Variants in PPM1A observed in about 807,000 individuals in gnomAD.
PPM1A encodes protein phosphatase, Mg2+/Mn2+ dependent 1A.
In PPM1A, 7 loss-of-function variants were observed where a neutral mutation model predicts 35.0. The observed-to-expected ratio is 0.20, with a 90% CI of 0.11 to 0.38. The LOEUF (loss-of-function observed/expected upper bound fraction) is 0.38, where lower values mean the gene tolerates loss of function less well. Among genes scored for constraint, PPM1A ranks in the 10% least tolerant of loss-of-function variants. The pLI, the probability that PPM1A is intolerant of heterozygous loss-of-function variation, is 1.00. For missense variants in PPM1A, 239 were observed against 467.8 expected (o/e 0.51, Z 4.51); for synonymous variants, 153 against 167.3 (o/e 0.91, Z 0.66).
chr14:60,287,494 G>T, intron 3 of PPM1A: 1 of 985,248 alleles, frequency 1.0e-6, no homozygotes, highest in Non-Finnish European at 1.2e-6. Context: ...TGTAAAAGTT[G>T]TGTGTCCTCA....
In PPM1A at chr14:60,282,075, G is replaced by A. The variant is rs192719821; in HGVS notation, c.-20-609G>A. 6.6e-5 allele frequency among the ~76,000 whole-genome samples: 10 copies of A among 152,286 alleles called. No homozygotes were observed. The highest frequency in any genetic ancestry group is 6.5e-4 in the Admixed American group (10 of 15,302). On this transcript the variant is annotated intron_variant, in intron 1 of 5. Coordinates refer to ENST00000395076, the MANE Select transcript of PPM1A (RefSeq NM_021003.5). The surrounding 1 kb of genome is among the most constrained non-coding windows in gnomAD (Gnocchi z 5.1). ...GTAGAATGTAAGGTAGACTTAAAAG[G>A]ATAGGTATACTTTTTTCTATAAATA...
At chr14:60,269,898 C>T (rs989288911) in intron 1 of PPM1A, among the ~76,000 whole-genome samples, 24 of 152,150 alleles carry the variant, frequency 1.6e-4, no homozygotes, top group African/African-American at 5.8e-4. Context: ...TTGTAATCTT[C>T]AAATTATGCT....
intron 5 of PPM1A, 88 bp downstream of exon 5, chr14:60,291,542 T>A: frequency 9.1e-7 from 1 of 1,102,340 alleles, no homozygotes; most frequent in South Asian, 1.7e-5. Flanking sequence ...AGCTGTTCAC[T>A]GTACCCATTC....
At chr14:60,272,690 C>CAAAAAAA (rs34892158) in intron 1 of PPM1A, among the ~76,000 whole-genome samples, 2 of 68,586 alleles carry the variant, frequency 2.9e-5, no homozygotes, top group Non-Finnish European at 5.6e-5. Flanking sequence ...GACTCTGTCT[C>CAAAAAAA]AAAAAAAAAA....
In PPM1A at chr14:60,249,789, T is replaced by G; in HGVS notation, c.-21+112T>G. On this transcript the variant is annotated intron_variant, in intron 1 of 5. Coordinates refer to ENST00000395076, the MANE Select transcript of PPM1A (RefSeq NM_021003.5). The surrounding 1 kb of genome is among the most constrained non-coding windows in gnomAD (Gnocchi z 4.5). Reference sequence around the variant, plus strand: ...ACAAGCCGGGCGTCTGCCCGGGCGCTCCCGGGAGGAGACGCGACAACTCCA... The same window carrying G: ...ACAAGCCGGGCGTCTGCCCGGGCGCGCCCGGGAGGAGACGCGACAACTCCA... 2 of 647,286 alleles carry G rather than the reference T, an allele frequency of 3.1e-6. No individual in the cohort carries two copies. The highest frequency in any genetic ancestry group is 3.8e-6 in the Non-Finnish European group (2 of 521,762). The allele number at this position is 647,286 out of a possible 1,614,324, so 40.1% of individuals were successfully genotyped here.
intron 1 of PPM1A, among the ~76,000 whole-genome samples, chr14:60,274,572 C>T (rs1424888367): frequency 6.6e-6 from 1 of 150,718 alleles, no homozygotes; most frequent in Non-Finnish European, 1.5e-5. Context: ...AACATGGGCA[C>T]CAAAGCTAGT....
chr14:60,283,628 A>ACGCCTGT lies in PPM1A; in HGVS notation c.834+91_834+92insCGCCTGT. 1 of 1,384,280 alleles carries ACGCCTGT rather than the reference A, an allele frequency of 7.2e-7. No homozygotes were observed. Among genetic ancestry groups the ACGCCTGT allele is most frequent in the Non-Finnish European group, 9.7e-7 (1 of 1,030,590 alleles). 85.7% of individuals were successfully genotyped at this position (1,384,280 alleles called of 1,614,324 possible). ...AATCATCTTAGAATCTGTAATTCTGAAACCAGTTTTTGGCACAACTGTAGG... is the reference window on the plus strand; with the variant it reads ...AATCATCTTAGAATCTGTAATTCTGACGCCTGTAACCAGTTTTTGGCACAACTGTAGG... On this transcript the variant is annotated intron_variant, in intron 2 of 5. Coordinates refer to ENST00000395076, the MANE Select transcript of PPM1A (RefSeq NM_021003.5). This position sits in a 1 kb window ranked among gnomAD's most constrained non-coding sequence, Gnocchi z 6.3.
chr14:60,292,767 G>GTAAT lies in PPM1A; in HGVS notation c.*287_*290dup, dbSNP rs1887770913. On this transcript the variant is annotated 3_prime_UTR_variant, in exon 6 of 6. Transcript: ENST00000395076. The surrounding 1 kb of genome is among the most constrained non-coding windows in gnomAD (Gnocchi z 4.2). ...GTATGATTTTGTTTTTTTGTAAAGT[G>GTAAT]TAATTGTCCTTGTACAAAATGCTCA... 3.2e-6 allele frequency: 1 copy of GTAAT among 309,064 alleles called. No individual in the cohort carries two copies. The highest frequency in any genetic ancestry group is 5.5e-5 in the East Asian group (1 of 18,302). The allele number at this position is 309,064 out of a possible 1,614,324, so 19.1% of individuals were successfully genotyped here. A position where few individuals can be genotyped will look rare whatever the true frequency, so the allele number is the denominator to read the frequency against.
rs963717854 is a variant in PPM1A at position 60,293,596 on chromosome 14, A to G, written c.*1114A>G. ...CTGCTTATTTTTCATTAAGATGTGT[A>G]TCAGCTTGGATTTGCCTACTGTTTA... On this transcript the variant is annotated 3_prime_UTR_variant, in exon 6 of 6. Transcript: ENST00000395076. This position sits in a 1 kb window ranked among gnomAD's most constrained non-coding sequence, Gnocchi z 4.0. 12 of 152,052 alleles carry G rather than the reference A, an allele frequency of 7.9e-5. No individual in the cohort carries two copies. Among genetic ancestry groups the G allele is most frequent in the African/African-American group, 2.6e-4 (11 of 41,532 alleles). 9.4% of individuals were successfully genotyped at this position (152,052 alleles called of 1,614,324 possible).
At chr14:60,250,472 A>G in intron 1 of PPM1A, 4 of 970,220 alleles carry the variant, frequency 4.1e-6, no homozygotes, top group African/African-American at 1.8e-5. Context: ...TGAAAATTTC[A>G]TCACCTGAGG....
chr14:60,249,503 C>T lies in PPM1A; in HGVS notation c.-195C>T, dbSNP rs1330509618. 3.0e-6 allele frequency: 3 copies of T among 985,174 alleles called. No homozygotes were observed. Among genetic ancestry groups the T allele is most frequent in the African/African-American group, 1.7e-5 (1 of 57,252 alleles). 61.0% of individuals were successfully genotyped at this position (985,174 alleles called of 1,614,324 possible). On this transcript the variant is annotated 5_prime_UTR_variant, in exon 1 of 6. Coordinates refer to ENST00000395076, the MANE Select transcript of PPM1A (RefSeq NM_021003.5). This position sits in a 1 kb window ranked among gnomAD's most constrained non-coding sequence, Gnocchi z 4.5. ...GCGAGGGCGCCGACAGCCGGGGGCC[C>T]GGACGCAGCCCGGCTCCTCCCCTCC...
chr14:60,269,502 G>A (rs1884823644), intron 1 of PPM1A, among the ~76,000 whole-genome samples: 1 of 152,080 alleles, frequency 6.6e-6, no homozygotes, highest in African/African-American at 2.4e-5. Flanking sequence ...TTGCAAAGAA[G>A]TCTGGGACCA....
chr14:60,263,817 A>G (rs1884056136), intron 1 of PPM1A, among the ~76,000 whole-genome samples: 1 of 152,256 alleles, frequency 6.6e-6, no homozygotes, highest in Non-Finnish European at 1.5e-5. Flanking sequence ...TGCTAATTCC[A>G]ATATCGGAAG....
rs4899009 is a variant in PPM1A at position 60,283,631 on chromosome 14, C to A, written c.834+94C>A. On this transcript the variant is annotated intron_variant, in intron 2 of 5. Coordinates refer to ENST00000395076, the MANE Select transcript of PPM1A (RefSeq NM_021003.5). The surrounding 1 kb of genome is among the most constrained non-coding windows in gnomAD (Gnocchi z 6.3). ...CATCTTAGAATCTGTAATTCTGAAA[C>A]CAGTTTTTGGCACAACTGTAGGATA... 435,202 of 1,330,884 alleles carry A rather than the reference C, an allele frequency of 0.33. 76,163 individuals are homozygous for A. Among genetic ancestry groups the A allele is most frequent in the African/African-American group, 0.58 (39,507 of 67,590 alleles). 82.4% of individuals were successfully genotyped at this position (1,330,884 alleles called of 1,614,324 possible).
rs1184441124 is a variant in PPM1A at position 60,295,501 on chromosome 14, TTAAG to T, written c.*3023_*3026del. 3 of 151,742 alleles carry T rather than the reference TTAAG, an allele frequency of 2.0e-5. No individual in the cohort carries two copies. Among genetic ancestry groups the T allele is most frequent in the African/African-American group, 7.2e-5 (3 of 41,388 alleles). 9.4% of individuals were successfully genotyped at this position (151,742 alleles called of 1,614,324 possible). ...TAATCTCAACATTAAGAAATTTGGATTAAGTAATAAATTAGTTATGTAATTCAAG... is the reference window on the plus strand; with the variant it reads ...TAATCTCAACATTAAGAAATTTGGATTAATAAATTAGTTATGTAATTCAAG... On this transcript the variant is annotated 3_prime_UTR_variant, in exon 6 of 6. Coordinates refer to ENST00000395076, the MANE Select transcript of PPM1A (RefSeq NM_021003.5).
chr14:60,275,617 G>A (rs1010396439), intron 1 of PPM1A, among the ~76,000 whole-genome samples: 2 of 152,126 alleles, frequency 1.3e-5, no homozygotes, highest in Non-Finnish European at 2.9e-5. Flanking sequence ...CTCCTGAGTA[G>A]CTAGGACTAC....
At chr14:60,255,500 G>A (rs1158758618) in intron 1 of PPM1A, among the ~76,000 whole-genome samples, 2 of 152,240 alleles carry the variant, frequency 1.3e-5, no homozygotes, top group South Asian at 2.1e-4. Context: ...AGATATTTGT[G>A]TCTAAATTAT....
At chr14:60,267,676 C>T (rs1346339975) in intron 1 of PPM1A, among the ~76,000 whole-genome samples, 1 of 151,890 alleles carries the variant, frequency 6.6e-6, no homozygotes, top group Non-Finnish European at 1.5e-5. Context: ...AATAGTCTTG[C>T]CTGATGCACT....
chr14:60,268,512 T>G, intron 1 of PPM1A: 1 of 522,288 alleles, frequency 1.9e-6, no homozygotes, highest in South Asian at 8.4e-5. Context: ...CTATTTTATT[T>G]TTTTCACATA....
Sources: allele counts gnomAD v4.1 joint callset (sites outside exome capture counted in the v4.1 genomes callset), GRCh38; gene constraint gnomAD v4.1.1; non-coding constraint Gnocchi (gnomAD v3.1); transcripts MANE v1.5; gene names NCBI Gene and HGNC (gene_info 2026-07-23, HGNC 2026-07-21).